ZNF518A: variants seen among roughly 807,000 people sequenced by gnomAD.
ZNF518A encodes zinc finger protein 518A.
In ZNF518A, 47 loss-of-function variants were observed where a neutral mutation model predicts 102.7. The observed-to-expected ratio is 0.46, with a 90% CI of 0.36 to 0.58. The LOEUF (loss-of-function observed/expected upper bound fraction) is 0.58, where lower values mean the gene tolerates loss of function less well. Among genes scored for constraint, ZNF518A ranks in the 20% least tolerant of loss-of-function variants. ZNF518A has a pLI of 0.00. For missense variants in ZNF518A, 1,793 were observed against 1,699.8 expected, an observed-to-expected ratio of 1.05 and a Z score of -0.96; for synonymous variants, 652 against 594.6, an observed-to-expected ratio of 1.10 and a Z score of -1.40.
At chr10:96,154,845 C>A in intron 3 of ZNF518A, among the ~76,000 whole-genome samples, 1 of 152,040 alleles carries the variant, frequency 6.6e-6, no homozygotes, top group East Asian at 1.9e-4. Flanking sequence ...ATAATTGGTA[C>A]CCTTCTGATT....
At chr10:96,142,820 T>TA (rs1164906458) in intron 3 of ZNF518A, among the ~76,000 whole-genome samples, 1 of 151,506 alleles carries the variant, frequency 6.6e-6, no homozygotes, top group Non-Finnish European at 1.5e-5. Context: ...TTTTTTTTTT[T>TA]ATTGCGACAG....
At position 96,156,812 on chromosome 10, in the gene ZNF518A, G is replaced by C. The variant is rs373983473; in HGVS notation, c.490G>C (p.Val164Leu). The C allele has an allele frequency of 6.2e-7, 1 of 1,613,798 alleles. No homozygotes were observed. Among genetic ancestry groups the C allele is most frequent in the Admixed American group, 1.7e-5 (1 of 60,022 alleles). Residue 164 changes from valine (V) to leucine (L), a missense_variant, in exon 6 of 6, where the codon GTA becomes CTA. Val to Leu is a conservative substitution (Grantham distance 32). Coordinates refer to ENST00000316045, the MANE Select transcript of ZNF518A (RefSeq NM_001330736.2). Reference protein sequence around the residue: ...MCNFSANDFQVFKQHRRTHRS... With the variant: ...MCNFSANDFQLFKQHRRTHRS... The stretch of plus-strand genomic sequence containing the variant: ...CAACTTTTCAGCAAATGACTTTCAG[G>C]TATTTAAACAACACAGACGAACCCA...
intron 3 of ZNF518A, among the ~76,000 whole-genome samples, chr10:96,147,068 T>C (rs2082204924): frequency 6.6e-6 from 1 of 152,118 alleles, no homozygotes; most frequent in Admixed American, 6.5e-5. Context: ...ATAGACCAGA[T>C]AGTGGATGTC....
At chr10:96,203,328 T>A (rs1171789615) in intron 1 of ZNF518A, among the ~76,000 whole-genome samples, 1 of 152,176 alleles carries the variant, frequency 6.6e-6, no homozygotes, top group African/African-American at 2.4e-5. Context: ...TTATTTAAGA[T>A]GAATATTATT....
At chr10:96,167,233 G>A (rs2083146874), downstream of ZNF518A, among the ~76,000 whole-genome samples, 1 of 152,144 alleles carries the variant, frequency 6.6e-6, no homozygotes, top group Non-Finnish European at 1.5e-5. Context: ...GGCTGAGGTG[G>A]GTGGATCACT....
chr10:96,204,510 C>T, downstream of ZNF518A: 1 of 1,611,798 alleles, frequency 6.2e-7, no homozygotes, highest in South Asian at 1.1e-5. Context: ...GGAAACTGAT[C>T]TTTAAAGGAA....
intron 1 of ZNF518A, among the ~76,000 whole-genome samples, chr10:96,203,275 T>C (rs1310300980): frequency 2.0e-5 from 3 of 152,148 alleles, no homozygotes; most frequent in Non-Finnish European, 2.9e-5. Flanking sequence ...CATTTTCACT[T>C]TGTGTTGTCA....
downstream of ZNF518A, chr10:96,204,227 T>C: frequency 2.1e-6 from 2 of 963,166 alleles, no homozygotes; most frequent in Non-Finnish European, 3.2e-6. Context: ...TATCTAAAGA[T>C]AAAAGAGCCA....
intron 1 of ZNF518A, among the ~76,000 whole-genome samples, chr10:96,178,903 T>A (rs919224062): frequency 6.6e-6 from 1 of 152,016 alleles, no homozygotes; most frequent in Non-Finnish European, 1.5e-5. Flanking sequence ...TATTAAAAAA[T>A]TGAAATCATA....
At chr10:96,182,415 T>G (rs2083245669) in intron 1 of ZNF518A, among the ~76,000 whole-genome samples, 2 of 152,212 alleles carry the variant, frequency 1.3e-5, no homozygotes, top group Admixed American at 1.3e-4. Flanking sequence ...GTGCCAGTTT[T>G]CAAAGGGAAT....
chr10:96,193,944 T>C (rs2083393949), intron 1 of ZNF518A, among the ~76,000 whole-genome samples: 1 of 152,200 alleles, frequency 6.6e-6, no homozygotes, highest in African/African-American at 2.4e-5. Context: ...TATAGATACT[T>C]TAAGTAAGAG....
chr10:96,194,628 G>T (rs1307682318), intron 1 of ZNF518A, among the ~76,000 whole-genome samples: 1 of 151,904 alleles, frequency 6.6e-6, no homozygotes, highest in African/African-American at 2.4e-5. Flanking sequence ...GAAACATAAA[G>T]AACTCCTAAA....
chr10:96,159,080 C>A lies in ZNF518A; in HGVS notation c.2758C>A (p.Pro920Thr). 2 of 1,612,810 alleles carry A rather than the reference C, an allele frequency of 1.2e-6. No homozygotes were observed. The highest frequency in any genetic ancestry group is 1.7e-6 in the Non-Finnish European group (2 of 1,179,564). Reference sequence around the variant, plus strand: ...TTTAGGTTCTTTTTATATGCAGAGTCCACTTTTAAATTCAGAACAAAAAAA... The same window carrying A: ...TTTAGGTTCTTTTTATATGCAGAGTACACTTTTAAATTCAGAACAAAAAAA... ...QNLGSFYMQS[P>T]LLNSEQKKTI... The change falls in exon 6 of 6, where the codon CCA (proline) becomes ACA (threonine). Residue 920 changes from proline to threonine, a missense_variant. Pro to Thr is a conservative substitution (Grantham distance 38, BLOSUM62 -1). This residue lies in a region of ZNF518A where 1,741 missense variants were observed against 1,622.6 expected (regional missense o/e 1.07). Transcript: ENST00000316045.
rs782324766 is a variant in ZNF518A, at chr10:96,158,257, G to C, written c.1935G>C (p.Val645=). 1.9e-6 allele frequency: 3 copies of C among 1,613,382 alleles called. No homozygotes were observed. Among genetic ancestry groups the C allele is most frequent in the Non-Finnish European group, 2.5e-6 (3 of 1,179,618 alleles). Reference sequence around the variant, plus strand: ...TACCTTTTCATAATTACTCAAAAGTGAATAATTCTAATAAACGTCGTAGGT... The same window carrying C: ...TACCTTTTCATAATTACTCAAAAGTCAATAATTCTAATAAACGTCGTAGGT... The part of the protein sequence containing the change: ...GSLPFHNYSK[V]NNSNKRRRFS... The change falls in exon 6 of 6, where the codon GTG becomes GTC. Residue 645 remains valine (V), a synonymous_variant. Transcript: ENST00000316045.
chr10:96,159,625 C>G lies in ZNF518A; in HGVS notation c.3303C>G (p.Gly1101=). Reference sequence around the variant, plus strand: ...CTCTTTATACCTTCTTGCCTGATGGCAAACAAGCTGTTTTTTTAAAGTGTG... The same window carrying G: ...CTCTTTATACCTTCTTGCCTGATGGGAAACAAGCTGTTTTTTTAAAGTGTG... ...KPPLYTFLPD[G]KQAVFLKCVM... The change falls in exon 6 of 6, where the codon GGC becomes GGG. Residue 1101 remains glycine (G), a synonymous_variant. Transcript: ENST00000316045. The G allele has an allele frequency of 6.2e-7, 1 of 1,613,756 alleles. No individual in the cohort carries two copies. The highest frequency in any genetic ancestry group is 8.5e-7 in the Non-Finnish European group (1 of 1,179,782).
Position 96,159,645 on chromosome 10 carries a change from A to C in ZNF518A, c.3323A>C (p.Lys1108Thr). 6.2e-7 allele frequency: 1 copy of C among 1,613,764 alleles called. No individual in the cohort carries two copies. Among genetic ancestry groups the C allele is most frequent in the Non-Finnish European group, 8.5e-7 (1 of 1,179,794 alleles). ...LPDGKQAVFL[K>T]CVMPNKTELL... is the part of the protein sequence containing the mutation. ...GATGGCAAACAAGCTGTTTTTTTAA[A>C]GTGTGTGATGCCAAATAAAACTGAG... The change falls in exon 6 of 6, where the codon AAG becomes ACG. Residue 1108 changes from lysine to threonine, a missense_variant. Lys to Thr is a moderately conservative substitution (Grantham distance 78). Transcript: ENST00000316045.
intron 1 of ZNF518A, among the ~76,000 whole-genome samples, chr10:96,185,451 AC>A (rs1554892475): frequency 6.6e-6 from 1 of 152,118 alleles, no homozygotes; most frequent in Non-Finnish European, 1.5e-5. Context: ...GGTTTTACCT[AC>A]CTTTGCTCTT....
At chr10:96,181,750 A>G (rs2083241626) in intron 1 of ZNF518A, among the ~76,000 whole-genome samples, 2 of 152,132 alleles carry the variant, frequency 1.3e-5, no homozygotes, top group African/African-American at 4.8e-5. Context: ...GCCTTGTAGT[A>G]TAGTTTGAAG....
chr10:96,169,535 T>G (rs1564799970), intron 1 of ZNF518A, among the ~76,000 whole-genome samples: 1 of 152,204 alleles, frequency 6.6e-6, no homozygotes, highest in Admixed American at 6.5e-5. Context: ...TTCTATCCCT[T>G]TATTGATGTT....
Sources: allele counts gnomAD v4.1 joint callset (sites outside exome capture counted in the v4.1 genomes callset), GRCh38; gene constraint gnomAD v4.1.1; regional missense constraint gnomAD v4.1.1; transcripts MANE v1.5; gene names NCBI Gene and HGNC (gene_info 2026-07-23, HGNC 2026-07-21).